BSDC1: variants seen among roughly 807,000 people sequenced by gnomAD.
BSDC1 encodes BSD domain-containing protein 1.
Under a neutral mutation model 56.0 loss-of-function variants are expected in BSDC1, and 29 were observed. That is an observed-to-expected ratio of 0.52 (90% CI 0.39 to 0.71). BSDC1 has a LOEUF of 0.71. Among genes scored for constraint, BSDC1 ranks in the 30% least tolerant of loss-of-function variants. The probability of loss-of-function intolerance (pLI) is 0.00; values close to 1 mark genes in which losing one functional copy is unlikely to be tolerated. For synonymous variants in BSDC1, 210 were observed against 215.3 expected, an observed-to-expected ratio of 0.98 and a Z score of 0.21; for missense variants, 477 against 548.5, an observed-to-expected ratio of 0.87 and a Z score of 1.30.
In BSDC1 at chr1:32,364,665, C is replaced by T. The variant is rs1394269083; in HGVS notation, c.*1957G>A. Among the ~76,000 whole-genome samples the T allele has an allele frequency of 6.6e-6, 1 of 152,226 alleles. No individual in the cohort carries two copies. Among genetic ancestry groups the T allele is most frequent in the Non-Finnish European group, 1.5e-5 (1 of 68,050 alleles). Reference sequence around the variant, plus strand: ...TGTTGGCCAGGCTGGTCTGGAACTCCTGACCTTAGTGATCCACCCACCTTG... The same window carrying T: ...TGTTGGCCAGGCTGGTCTGGAACTCTTGACCTTAGTGATCCACCCACCTTG... On this transcript the variant is annotated 3_prime_UTR_variant, in exon 11 of 11. Transcript: ENST00000455895.
chr1:32,381,698 C>T (rs762669534), intron 4 of BSDC1, among the ~76,000 whole-genome samples: 1 of 152,216 alleles, frequency 6.6e-6, no homozygotes, highest in African/African-American at 2.4e-5. Flanking sequence ...TACCAAGTTA[C>T]GTTCCCACTA....
intron 4 of BSDC1, among the ~76,000 whole-genome samples, chr1:32,382,956 C>T (rs964848530): frequency 1.3e-5 from 2 of 151,314 alleles, no homozygotes; most frequent in Non-Finnish European, 2.9e-5. Context: ...TCTGAAGACA[C>T]CTCTCTCCCC....
chr1:32,394,377 C>G, intron 1 of BSDC1, 27 bp downstream of exon 1: 1 of 1,614,192 alleles, frequency 6.2e-7, no homozygotes, highest in Non-Finnish European at 8.5e-7. Context: ...CAGGCCCCAA[C>G]GCCTAGGAGC....
intron 2 of BSDC1, among the ~76,000 whole-genome samples, chr1:32,389,551 G>C (rs1043401618): frequency 6.6e-6 from 1 of 152,176 alleles, no homozygotes. Context: ...TGATAGTGCT[G>C]ATGTGCAAGG....
intron 9 of BSDC1, 98 bp from the exon 10 acceptor site, chr1:32,368,648 C>T: frequency 6.6e-7 from 1 of 1,505,990 alleles, no homozygotes. Context: ...AAAAGGGTCT[C>T]ACAAATACAC....
At position 32,378,897 on chromosome 1, in the gene BSDC1, CT is replaced by C; in HGVS notation, c.413-59del. ...CTTGGTCTGGGAAAAGAACACTGGG[CT>C]TACAGAACATATCTAAGGCTGGACA... On this transcript the variant is annotated intron_variant, in intron 5 of 10. Transcript: ENST00000455895. The surrounding 1 kb of genome is among the most constrained non-coding windows in gnomAD (Gnocchi z 5.2). 8.6e-7 allele frequency: 1 copy of C among 1,166,458 alleles called. No individual in the cohort carries two copies. Among genetic ancestry groups the C allele is most frequent in the Non-Finnish European group, 1.2e-6 (1 of 854,022 alleles). 72.3% of individuals were successfully genotyped at this position (1,166,458 alleles called of 1,614,324 possible).
rs768863124 is a variant in BSDC1, at chr1:32,378,288, A to G, written c.529-5T>C. Reference sequence around the variant, plus strand: ...ATGGGAAACAGCTGCTGGAACCTGGAGGGAGGGGAAAATGGAGGTGAGACT... The same window carrying G: ...ATGGGAAACAGCTGCTGGAACCTGGGGGGAGGGGAAAATGGAGGTGAGACT... On this transcript the variant is annotated splice_region_variant and splice_polypyrimidine_tract_variant and intron_variant, in intron 6 of 10. Transcript: ENST00000455895. The surrounding 1 kb of genome is among the most constrained non-coding windows in gnomAD (Gnocchi z 5.2). 4 of 1,614,038 alleles carry G rather than the reference A, an allele frequency of 2.5e-6. No individual in the cohort carries two copies. In the South Asian group the frequency reaches 4.4e-5, roughly 18 times the overall value.
chr1:32,383,047 G>A lies in BSDC1; in HGVS notation c.357+783C>T, dbSNP rs189058537. Among the ~76,000 whole-genome samples, 449 of 152,090 alleles carry A rather than the reference G, an allele frequency of 3.0e-3. 2 individuals carry two copies. Among genetic ancestry groups the A allele is most frequent in the Non-Finnish European group, 3.7e-3 (251 of 67,994 alleles). On this transcript the variant is annotated intron_variant, in intron 4 of 10. Transcript: ENST00000455895. ...TGCCTCTAAAAATGCTCTCCACAGC[G>A]TTCCTTATTATGCTTGAAAGCTGAA...
intron 2 of BSDC1, among the ~76,000 whole-genome samples, chr1:32,392,547 A>G (rs1237862588): frequency 6.6e-6 from 1 of 152,144 alleles, no homozygotes; most frequent in African/African-American, 2.4e-5. Context: ...CTTGAGACAA[A>G]CACAGGAGGC....
In BSDC1 at chr1:32,378,210, C is replaced by T; in HGVS notation, c.597+5G>A. 1 of 1,613,746 alleles carries T rather than the reference C, an allele frequency of 6.2e-7. No individual in the cohort carries two copies. On this transcript the variant is annotated splice_donor_5th_base_variant and intron_variant, in intron 7 of 10. Coordinates refer to ENST00000455895, the MANE Select transcript of BSDC1 (RefSeq NM_018045.8). The surrounding 1 kb of genome is among the most constrained non-coding windows in gnomAD (Gnocchi z 5.2). Reference sequence around the variant, plus strand: ...TGGGGACCTCCCCATGCTAGACCAGCATACCTGCTCTAACTGATGGACTTT... The same window carrying T: ...TGGGGACCTCCCCATGCTAGACCAGTATACCTGCTCTAACTGATGGACTTT...
intron 2 of BSDC1, among the ~76,000 whole-genome samples, chr1:32,393,110 G>A (rs566489690): frequency 1.3e-5 from 2 of 152,282 alleles, no homozygotes; most frequent in East Asian, 3.9e-4. Context: ...ATTTAGGTGA[G>A]GTCAGAAGCT....
chr1:32,381,817 G>A lies in BSDC1; in HGVS notation c.358-549C>T, dbSNP rs990534359. Among the ~76,000 whole-genome samples, 7 of 152,314 alleles carry A rather than the reference G, an allele frequency of 4.6e-5. No individual in the cohort carries two copies. In the South Asian group the frequency reaches 6.2e-4, roughly 14 times the overall value. ...AGCGGTCTGGTGATAATTCACTGTC[G>A]TTATAGCTCAAAATCTTATCAAACA... On this transcript the variant is annotated intron_variant, in intron 4 of 10. Coordinates refer to ENST00000455895, the MANE Select transcript of BSDC1 (RefSeq NM_018045.8).
At chr1:32,386,554 T>C (rs1642678714) in intron 3 of BSDC1, 1 of 412,534 alleles carries the variant, frequency 2.4e-6, no homozygotes, top group Admixed American at 4.3e-5. Flanking sequence ...ACTTTGCTAA[T>C]GGAAAACATT....
intron 9 of BSDC1, among the ~76,000 whole-genome samples, chr1:32,376,017 G>A (rs1390448541): frequency 1.3e-5 from 2 of 152,116 alleles, no homozygotes; most frequent in African/African-American, 4.8e-5. Flanking sequence ...CATGGGATCT[G>A]GCATCAAACT....
chr1:32,382,192 A>G (rs1460896512), intron 4 of BSDC1, among the ~76,000 whole-genome samples: 2 of 149,654 alleles, frequency 1.3e-5, no homozygotes, highest in African/African-American at 2.5e-5. Context: ...GCTCCACTGC[A>G]CTCCAGTCTG....
chr1:32,383,745 T>C, intron 4 of BSDC1, 85 bp downstream of exon 4: 1 of 1,303,724 alleles, frequency 7.7e-7, no homozygotes, highest in Non-Finnish European at 1.1e-6. Flanking sequence ...GGCCTGAACA[T>C]GGGCTGCTTT....
intron 3 of BSDC1, among the ~76,000 whole-genome samples, chr1:32,386,220 G>A (rs909901187): frequency 1.3e-5 from 2 of 151,346 alleles, no homozygotes; most frequent in Non-Finnish European, 1.5e-5. Context: ...TTGGGAGGCT[G>A]AGGCAGGAGA....
intron 2 of BSDC1, among the ~76,000 whole-genome samples, chr1:32,391,689 G>A (rs1642870083): frequency 6.6e-6 from 1 of 152,220 alleles, no homozygotes; most frequent in Non-Finnish European, 1.5e-5. Context: ...GAGGAAAGCA[G>A]ATGATAGCAC....
At chr1:32,377,633 T>A (rs1642339729) in intron 8 of BSDC1, among the ~76,000 whole-genome samples, 1 of 152,152 alleles carries the variant, frequency 6.6e-6, no homozygotes, top group Non-Finnish European at 1.5e-5. Flanking sequence ...TTGTTTAAAA[T>A]ACATGTCTGG....
Sources: gnomAD v4.1 joint callset for allele counts (sites outside exome capture counted in the v4.1 genomes callset) on GRCh38, gnomAD v4.1.1 for gene constraint, Gnocchi (gnomAD v3.1) non-coding constraint, MANE v1.5 for transcripts, NCBI Gene and HGNC (gene_info 2026-07-23, HGNC 2026-07-21) for gene names.